RGS20: variants seen among roughly 807,000 people sequenced by gnomAD.
RGS20 encodes the protein gz-selective GTPase-activating protein.
RGS20 carries 30 observed loss-of-function variants against 33.6 expected under a neutral mutation model. The observed-to-expected ratio is 0.89, with a 90% CI of 0.67 to 1.21. The LOEUF (loss-of-function observed/expected upper bound fraction) is 1.21, where lower values mean the gene tolerates loss of function less well. Among genes scored for constraint, RGS20 ranks in the 50% most tolerant of loss-of-function variants. The pLI is 0.00. For synonymous variants in RGS20, 208 were observed against 197.9 expected, an observed-to-expected ratio of 1.05 and a Z score of -0.43; for missense variants, 472 against 502.4, an observed-to-expected ratio of 0.94 and a Z score of 0.58.
intron 2 of RGS20, among the ~76,000 whole-genome samples, chr8:53,921,699 A>G (rs1813653486): frequency 6.6e-6 from 1 of 151,800 alleles, no homozygotes; most frequent in Admixed American, 6.6e-5. Context: ...GTAATTTCCC[A>G]TCTTTCATTC....
In RGS20 at chr8:53,879,542, C is replaced by A. The variant is rs1209444639; in HGVS notation, c.450C>A (p.Pro150=). ...CGGGGGGTCGTCCGCTGAGGCCCCC[C>A]CATCCGGTAGCCAAGCCCAGGGAAG... Residue 150 remains proline (P), a synonymous_variant, in exon 2 of 6, where the codon CCC becomes CCA. Coordinates refer to ENST00000297313, the MANE Select transcript of RGS20 (RefSeq NM_170587.4). 1.9e-6 allele frequency: 3 copies of A among 1,542,816 alleles called. No individual in the cohort carries two copies. Among genetic ancestry groups the A allele is most frequent in the Non-Finnish European group, 2.6e-6 (3 of 1,144,818 alleles).
chr8:53,910,254 G>T (rs1813315097), intron 2 of RGS20, among the ~76,000 whole-genome samples: 1 of 152,028 alleles, frequency 6.6e-6, no homozygotes, highest in African/African-American at 2.4e-5. Flanking sequence ...GTATTTGAGG[G>T]GCTCTTGCTT....
At chr8:53,860,573 C>T (rs1345126674) in intron 1 of RGS20, among the ~76,000 whole-genome samples, 4 of 139,302 alleles carry the variant, frequency 2.9e-5, no homozygotes, top group South Asian at 2.6e-4. Context: ...GATAGTTTAA[C>T]ACCAGCAAAC....
At chr8:53,869,404 G>T (rs1035860951) in intron 1 of RGS20, among the ~76,000 whole-genome samples, 1 of 152,096 alleles carries the variant, frequency 6.6e-6, no homozygotes, top group Non-Finnish European at 1.5e-5. Context: ...GGCTGGGTGC[G>T]ATGGCTTACG....
intron 4 of RGS20, among the ~76,000 whole-genome samples, chr8:53,947,361 C>G (rs1165864457): frequency 7.6e-6 from 1 of 131,646 alleles, no homozygotes; most frequent in Non-Finnish European, 1.6e-5. Context: ...ATTATATATG[C>G]TATATATAAG....
chr8:53,864,257 C>T (rs183037061), intron 1 of RGS20, among the ~76,000 whole-genome samples: 151 of 151,712 alleles, frequency 1.0e-3, no homozygotes, highest in African/African-American at 3.0e-3. Flanking sequence ...TGGTGAAACC[C>T]CGTCTCTACA....
At chr8:53,893,883 G>A (rs993756288) in intron 2 of RGS20, among the ~76,000 whole-genome samples, 153 of 152,246 alleles carry the variant, frequency 1.0e-3, no homozygotes, top group African/African-American at 3.5e-3. Context: ...ATCTAGTAAA[G>A]CGAAAAACTC....
chr8:53,908,505 T>C (rs563436008), intron 2 of RGS20, among the ~76,000 whole-genome samples: 108 of 152,102 alleles, frequency 7.1e-4, no homozygotes, highest in Admixed American at 4.4e-3. Context: ...CCAGGCATAG[T>C]GGCAGGTGCC....
intron 2 of RGS20, chr8:53,881,073 G>A (rs928210720): frequency 5.2e-6 from 8 of 1,547,396 alleles, no homozygotes; most frequent in Non-Finnish European, 6.0e-6. Flanking sequence ...CGGCAGGGTG[G>A]ACGGTGGGCT....
chr8:53,860,958 C>A (rs1181431852), intron 1 of RGS20, among the ~76,000 whole-genome samples: 2 of 151,576 alleles, frequency 1.3e-5, no homozygotes, highest in East Asian at 1.9e-4. Flanking sequence ...CAGAGTGAGA[C>A]CCTGTCTCCA....
chr8:53,941,581 A>G (rs752896032), intron 3 of RGS20, among the ~76,000 whole-genome samples: 10 of 152,222 alleles, frequency 6.6e-5, no homozygotes, highest in Non-Finnish European at 1.3e-4. Context: ...TGTCAATGAC[A>G]TACAATCAAA....
chr8:53,903,731 C>G (rs1813093308), intron 2 of RGS20, among the ~76,000 whole-genome samples: 1 of 152,176 alleles, frequency 6.6e-6, no homozygotes, highest in Non-Finnish European at 1.5e-5. Context: ...AAAGCCAGGT[C>G]CCTCCCTACC....
chr8:53,946,861 T>C, intron 4 of RGS20, 113 bp downstream of exon 3: 1 of 804,824 alleles, frequency 1.2e-6, no homozygotes, highest in Admixed American at 2.9e-5. Flanking sequence ...TGTAATTTAG[T>C]AATATCCAAT....
At chr8:53,942,106 T>A (rs1814314986) in intron 3 of RGS20, among the ~76,000 whole-genome samples, 1 of 152,066 alleles carries the variant, frequency 6.6e-6, no homozygotes, top group Admixed American at 6.6e-5. Flanking sequence ...AAAACTCGTT[T>A]CTACTAAAAA....
At chr8:53,935,910 C>G (rs377607144) in intron 2 of RGS20, among the ~76,000 whole-genome samples, 2 of 152,126 alleles carry the variant, frequency 1.3e-5, no homozygotes, top group African/African-American at 2.4e-5. Context: ...ACCATCAAGT[C>G]GGCTTCATCC....
intron 2 of RGS20, among the ~76,000 whole-genome samples, chr8:53,935,000 T>C (rs35977614): frequency 0.41 from 62,302 of 151,984 alleles, 15,941 homozygotes; most frequent in African/African-American, 0.74. Flanking sequence ...CAACCTGCTC[T>C]TGAATGACTA....
At chr8:53,882,503 A>T (rs1047315554) in intron 2 of RGS20, among the ~76,000 whole-genome samples, 1 of 152,148 alleles carries the variant, frequency 6.6e-6, no homozygotes, top group African/African-American at 2.4e-5. Flanking sequence ...GGAGTGGAGA[A>T]GTGAACGTGG....
intron 2 of RGS20, among the ~76,000 whole-genome samples, chr8:53,908,117 A>T (rs1382593113): frequency 4.6e-5 from 7 of 152,196 alleles, no homozygotes; most frequent in Admixed American, 2.0e-4. Flanking sequence ...AAAACGGCAT[A>T]TGCATATGGA....
chr8:53,953,520 CA>C (rs34123353), intron 4 of RGS20, among the ~76,000 whole-genome samples: 23 of 148,108 alleles, frequency 1.6e-4, no homozygotes, highest in South Asian at 2.1e-4. Flanking sequence ...GACTCTGTCT[CA>C]AAAAAAAAAA....
Sources: allele counts gnomAD v4.1 joint callset (sites outside exome capture counted in the v4.1 genomes callset), GRCh38; gene constraint gnomAD v4.1.1; transcripts MANE v1.5; gene names NCBI Gene and HGNC (gene_info 2026-07-23, HGNC 2026-07-21).